The following SPOCK1 variants were observed in gnomAD, a reference collection of about 807,000 sequenced individuals.
SPOCK1 encodes the protein SPARC (osteonectin), cwcv and kazal like domains proteoglycan 1, also known as testican-1.
Under a neutral mutation model 55.3 loss-of-function variants are expected in SPOCK1, and 23 were observed. That is an observed-to-expected ratio of 0.42 (90% confidence interval 0.30 to 0.59). The LOEUF is 0.59. Among genes scored for constraint, SPOCK1 ranks in the 20% least tolerant of loss-of-function variants. The probability of loss-of-function intolerance (pLI) is 0.22; values close to 1 mark genes in which losing one functional copy is unlikely to be tolerated. For synonymous variants in SPOCK1, 226 were observed against 221.0 expected (o/e 1.02, Z -0.20); for missense variants, 499 against 552.5 (o/e 0.90, Z 0.97).
chr5:137,450,157 C>A (rs1317720168), intron 2 of SPOCK1, among the ~76,000 whole-genome samples: 2 of 152,044 alleles, frequency 1.3e-5, no homozygotes, highest in African/African-American at 4.8e-5. Flanking sequence ...TGGGGAAGGG[C>A]AAGAAGATTG....
intron 2 of SPOCK1, among the ~76,000 whole-genome samples, chr5:137,442,926 A>T (rs1753046667): frequency 6.6e-6 from 1 of 152,150 alleles, no homozygotes; most frequent in Non-Finnish European, 1.5e-5. Context: ...GGGCCAACAG[A>T]GAAATGAGCC....
At position 137,067,940 on chromosome 5, in the gene SPOCK1, G is replaced by A. The variant is rs1003963945; in HGVS notation, c.475-111C>T. 70 of 820,212 alleles carry A rather than the reference G, an allele frequency of 8.5e-5. No individual in the cohort carries two copies. The South Asian group carries it at 1.1e-3, about 13-fold the overall frequency. The allele number at this position is 820,212 out of a possible 1,614,324, so 50.8% of individuals were successfully genotyped here. A position where few individuals can be genotyped will look rare whatever the true frequency, so the allele number is the denominator to read the frequency against. ...CTTCACAAAAGCAAAGACAAAGCAG[G>A]GAGAGGTCGACCTCAGGTAGAGGTC... On this transcript the variant is annotated intron_variant, in intron 5 of 10. Coordinates refer to ENST00000394945, the MANE Select transcript of SPOCK1 (RefSeq NM_004598.4).
chr5:136,978,172 A>G lies in SPOCK1; in HGVS notation c.*482T>C, dbSNP rs1750652765. 2.7e-6 allele frequency: 1 copy of G among 374,872 alleles called. No individual in the cohort carries two copies. Among genetic ancestry groups the G allele is most frequent in the South Asian group, 1.5e-4 (1 of 6,818 alleles). The allele number at this position is 374,872 out of a possible 1,614,324, so 23.2% of individuals were successfully genotyped here. On this transcript the variant is annotated 3_prime_UTR_variant, in exon 11 of 11. Coordinates refer to ENST00000394945, the MANE Select transcript of SPOCK1 (RefSeq NM_004598.4). Reference sequence around the variant, plus strand: ...CACCGGCAGTAACGGGGGCAGGGGGAAAAAGTACAGTGTGGTGTATTTTTT... The same window carrying G: ...CACCGGCAGTAACGGGGGCAGGGGGGAAAAGTACAGTGTGGTGTATTTTTT...
chr5:137,290,272 A>T (rs1757348581), intron 2 of SPOCK1, among the ~76,000 whole-genome samples: 1 of 152,244 alleles, frequency 6.6e-6, no homozygotes, highest in Admixed American at 6.5e-5. Flanking sequence ...CATAAAAAAA[A>T]ATTGCTATGC....
chr5:137,270,985 CG>C (rs1756950230), intron 2 of SPOCK1, among the ~76,000 whole-genome samples: 1 of 150,236 alleles, frequency 6.7e-6, no homozygotes, highest in African/African-American at 2.5e-5. Context: ...CTGGACAAGA[CG>C]GAGCAAGACT....
At chr5:137,337,293 T>C (rs1385663379) in intron 2 of SPOCK1, among the ~76,000 whole-genome samples, 2 of 152,180 alleles carry the variant, frequency 1.3e-5, no homozygotes, top group African/African-American at 2.4e-5. Flanking sequence ...GGAGAAAGCT[T>C]TGCGTATCAG....
chr5:137,001,108 T>A (rs1445320461), intron 6 of SPOCK1, among the ~76,000 whole-genome samples: 1 of 152,226 alleles, frequency 6.6e-6, no homozygotes, highest in Non-Finnish European at 1.5e-5. Context: ...ACAGGTTACT[T>A]TTTAATCTTC....
intron 2 of SPOCK1, among the ~76,000 whole-genome samples, chr5:137,284,269 C>T (rs1054304794): frequency 6.6e-6 from 1 of 152,188 alleles, no homozygotes; most frequent in Non-Finnish European, 1.5e-5. Flanking sequence ...AGTTCTAGAC[C>T]ATCATCTCCC....
intron 6 of SPOCK1, among the ~76,000 whole-genome samples, chr5:137,024,601 C>T (rs1318368815): frequency 1.4e-5 from 2 of 147,376 alleles, no homozygotes; most frequent in Non-Finnish European, 3.0e-5. Context: ...AGGGAGCCAT[C>T]TGACATGTAA....
intron 2 of SPOCK1, among the ~76,000 whole-genome samples, chr5:137,321,267 T>A (rs1003310129): frequency 6.8e-6 from 1 of 147,588 alleles, no homozygotes; most frequent in Admixed American, 6.7e-5. Context: ...AATAGGTATA[T>A]TATAGGTATT....
At chr5:137,002,746 G>A (rs1010069788) in intron 6 of SPOCK1, among the ~76,000 whole-genome samples, 2 of 152,206 alleles carry the variant, frequency 1.3e-5, no homozygotes, top group African/African-American at 2.4e-5. Context: ...TGAGATGAGG[G>A]TGTAAAACAG....
intron 3 of SPOCK1, among the ~76,000 whole-genome samples, chr5:137,215,093 G>GT (rs1755691779): frequency 3.9e-5 from 6 of 152,078 alleles, no homozygotes; most frequent in Non-Finnish European, 7.4e-5. Context: ...TAGGTGGCAG[G>GT]GTCTGTAATT....
At chr5:137,255,413 A>G (rs1756614109) in intron 3 of SPOCK1, among the ~76,000 whole-genome samples, 1 of 152,234 alleles carries the variant, frequency 6.6e-6, no homozygotes, top group Non-Finnish European at 1.5e-5. Context: ...GAGTAACAAC[A>G]TACATAGCAT....
chr5:137,114,189 G>C (rs1753530354), intron 4 of SPOCK1, among the ~76,000 whole-genome samples: 2 of 152,204 alleles, frequency 1.3e-5, no homozygotes, highest in Non-Finnish European at 2.9e-5. Context: ...AACCAGAGAA[G>C]AAAGTCTTAT....
intron 2 of SPOCK1, among the ~76,000 whole-genome samples, chr5:137,442,584 A>G (rs1202496222): frequency 3.9e-5 from 6 of 152,252 alleles, no homozygotes; most frequent in Non-Finnish European, 8.8e-5. Flanking sequence ...TGTCAGATTC[A>G]GGTGTGTGCC....
chr5:137,147,671 C>T (rs577298931), intron 3 of SPOCK1, among the ~76,000 whole-genome samples: 1 of 152,302 alleles, frequency 6.6e-6, no homozygotes, highest in South Asian at 2.1e-4. Flanking sequence ...CTCTTTTAAC[C>T]TTAATTACTT....
chr5:137,083,555 G>A (rs548719305), intron 5 of SPOCK1, among the ~76,000 whole-genome samples: 53 of 152,300 alleles, frequency 3.5e-4, no homozygotes, highest in African/African-American at 1.2e-3. Context: ...CTAGGGATAC[G>A]ATGGTAAACA....
intron 2 of SPOCK1, among the ~76,000 whole-genome samples, chr5:137,398,300 A>G (rs766597281): frequency 4.6e-5 from 7 of 152,182 alleles, no homozygotes; most frequent in Non-Finnish European, 7.3e-5. Context: ...TGTTCAGTCC[A>G]AGATAAAGCG....
chr5:137,220,292 C>A (rs1299886479), intron 3 of SPOCK1, among the ~76,000 whole-genome samples: 1 of 152,196 alleles, frequency 6.6e-6, no homozygotes, highest in Non-Finnish European at 1.5e-5. Context: ...AACCTTCTCT[C>A]ATTTTGGGGG....
Sources: gnomAD v4.1 joint callset for allele counts (sites outside exome capture counted in the v4.1 genomes callset) on GRCh38, gnomAD v4.1.1 for gene constraint, MANE v1.5 for transcripts, NCBI Gene and HGNC (gene_info 2026-07-23, HGNC 2026-07-21) for gene names.